KIAA1328: variants seen among roughly 807,000 people sequenced by gnomAD.
KIAA1328 encodes the protein protein hinderin.
KIAA1328 carries 52 observed loss-of-function variants against 68.1 expected under a neutral mutation model. That is an observed-to-expected ratio of 0.76 (90% CI 0.61 to 0.96). The LOEUF (loss-of-function observed/expected upper bound fraction) is 0.96. KIAA1328 is among the 40% of genes least tolerant of loss of function. KIAA1328 has a pLI of 0.00. For synonymous variants in KIAA1328, 232 were observed against 239.4 expected (o/e 0.97, Z 0.28); for missense variants, 641 against 677.6 (o/e 0.95, Z 0.60).
rs552565659 is a variant in KIAA1328 at position 36,836,704 on chromosome 18, A to T, written c.237+1328A>T. 3.9e-5 allele frequency among the ~76,000 whole-genome samples: 6 copies of T among 152,246 alleles called. No individual in the cohort carries two copies. The South Asian group carries it at 1.2e-3, about 32-fold the overall frequency. On this transcript the variant is annotated intron_variant, in intron 3 of 9. Coordinates refer to ENST00000280020, the MANE Select transcript of KIAA1328 (RefSeq NM_020776.3). Reference sequence around the variant, plus strand: ...TGATTTTGTATGTGTTTATATTCACAGAGTTGTGGATCCATCACCACAATC... The same window carrying T: ...TGATTTTGTATGTGTTTATATTCACTGAGTTGTGGATCCATCACCACAATC...
At chr18:36,871,730 CAGAG>C (rs1020294791) in intron 4 of KIAA1328, among the ~76,000 whole-genome samples, 5 of 151,728 alleles carry the variant, frequency 3.3e-5, no homozygotes, top group African/African-American at 1.2e-4. Flanking sequence ...TTGAAACTGA[CAGAG>C]AGCTAAGGTT....
chr18:37,157,145 T>C (rs2059169819), intron 7 of KIAA1328, among the ~76,000 whole-genome samples: 1 of 152,188 alleles, frequency 6.6e-6, no homozygotes, highest in Non-Finnish European at 1.5e-5. Flanking sequence ...CCTTTTGATT[T>C]GTTCTTTAAA....
intron 6 of KIAA1328, among the ~76,000 whole-genome samples, chr18:37,025,828 G>T (rs552729117): frequency 1.3e-5 from 2 of 152,224 alleles, no homozygotes; most frequent in Admixed American, 6.5e-5. Flanking sequence ...AGAAGCAAGA[G>T]CAAACACATT....
chr18:36,920,002 C>G lies in KIAA1328; in HGVS notation c.448+34330C>G, dbSNP rs146960530. 1.2e-4 allele frequency among the ~76,000 whole-genome samples: 19 copies of G among 152,150 alleles called. No individual in the cohort carries two copies. In the East Asian group the frequency reaches 2.5e-3, roughly 20 times the overall value. On this transcript the variant is annotated intron_variant, in intron 5 of 9. Coordinates refer to ENST00000280020, the MANE Select transcript of KIAA1328 (RefSeq NM_020776.3). ...TGTTAGATGCACAGTTTATGAATAT[C>G]TTCACCCGTTCTGTAGGTTATTTAT...
At chr18:37,131,720 A>C (rs893477362) in intron 7 of KIAA1328, among the ~76,000 whole-genome samples, 1 of 152,190 alleles carries the variant, frequency 6.6e-6, no homozygotes, top group Middle Eastern at 3.2e-3. Context: ...AGCAACAAAC[A>C]TTATATGAGG....
intron 7 of KIAA1328, chr18:37,084,464 TTTTTG>T: frequency 3.6e-6 from 1 of 278,920 alleles, no homozygotes; most frequent in Non-Finnish European, 6.5e-6. Flanking sequence ...TACTATTTCT[TTTTTG>T]TTTTTTGTTT....
chr18:36,990,450 G>A (rs1026746058), intron 6 of KIAA1328, among the ~76,000 whole-genome samples: 13 of 152,056 alleles, frequency 8.5e-5, no homozygotes, highest in Non-Finnish European at 1.6e-4. Flanking sequence ...TGAGGCAGGC[G>A]GATCACTTGA....
intron 7 of KIAA1328, among the ~76,000 whole-genome samples, chr18:37,097,036 C>A (rs1295588314): frequency 2.0e-5 from 3 of 152,066 alleles, no homozygotes; most frequent in African/African-American, 7.2e-5. Context: ...CCTGTTCACT[C>A]TGATGGTAGT....
intron 6 of KIAA1328, among the ~76,000 whole-genome samples, chr18:37,048,217 G>A (rs1032002682): frequency 6.6e-6 from 1 of 152,196 alleles, no homozygotes; most frequent in Non-Finnish European, 1.5e-5. Flanking sequence ...TTGTTTGGTA[G>A]TGTCTTCTCA....
At chr18:37,204,154 A>G (rs1334844532) in intron 9 of KIAA1328, among the ~76,000 whole-genome samples, 2 of 152,208 alleles carry the variant, frequency 1.3e-5, no homozygotes, top group Non-Finnish European at 2.9e-5. Context: ...AAGCTCACAG[A>G]CAAGGACGTA....
At chr18:36,833,070 C>T (rs1040351977) in intron 1 of KIAA1328, 2 of 151,894 alleles carry the variant, frequency 1.3e-5, no homozygotes, top group Non-Finnish European at 1.5e-5. Flanking sequence ...TCTCGATTTT[C>T]TGACCTCGTG....
Position 37,224,008 on chromosome 18 carries a change from A to G in KIAA1328, c.*1781A>G. 1 of 985,446 alleles carries G rather than the reference A, an allele frequency of 1.0e-6. No individual in the cohort carries two copies. The highest frequency in any genetic ancestry group is 1.2e-6 in the Non-Finnish European group (1 of 829,924). 61.0% of individuals were successfully genotyped at this position (985,446 alleles called of 1,614,324 possible). A position where few individuals can be genotyped will look rare whatever the true frequency, so the allele number is the denominator to read the frequency against. On this transcript the variant is annotated 3_prime_UTR_variant, in exon 10 of 10. Transcript: ENST00000280020. ...AGAGTAACCAAATCGGTTTCATCCC[A>G]TATCAAAAAGCCTTTGGAGTGTGGA... is the stretch of plus-strand genomic sequence containing the variant.
At chr18:36,848,073 C>T (rs1228905552) in intron 4 of KIAA1328, among the ~76,000 whole-genome samples, 1 of 151,570 alleles carries the variant, frequency 6.6e-6, no homozygotes, top group African/African-American at 2.4e-5. Context: ...TTGCATTTCA[C>T]TGTAAATTTT....
intron 6 of KIAA1328, among the ~76,000 whole-genome samples, chr18:37,052,703 G>A (rs1011828089): frequency 2.6e-5 from 4 of 151,974 alleles, no homozygotes; most frequent in African/African-American, 4.8e-5. Flanking sequence ...CACCAATAAC[G>A]TTCAAGCAGA....
intron 7 of KIAA1328, among the ~76,000 whole-genome samples, chr18:37,080,823 G>A (rs572875830): frequency 1.1e-4 from 17 of 151,560 alleles, no homozygotes; most frequent in African/African-American, 3.6e-4. Context: ...CTGGTTTCTG[G>A]TGCCTTTGTT....
chr18:37,173,293 A>G (rs2059536568), intron 9 of KIAA1328, among the ~76,000 whole-genome samples: 2 of 152,300 alleles, frequency 1.3e-5, no homozygotes, highest in South Asian at 2.1e-4. Flanking sequence ...ATGGTAATGT[A>G]AGGGCTTCCA....
intron 6 of KIAA1328, among the ~76,000 whole-genome samples, chr18:36,985,500 T>C (rs1001878236): frequency 6.6e-6 from 1 of 152,086 alleles, no homozygotes; most frequent in African/African-American, 2.4e-5. Flanking sequence ...GGTGTAAAGA[T>C]AGACAAATCA....
At chr18:37,026,769 A>C (rs1309710072) in intron 6 of KIAA1328, among the ~76,000 whole-genome samples, 1 of 152,228 alleles carries the variant, frequency 6.6e-6, no homozygotes, top group African/African-American at 2.4e-5. Flanking sequence ...CCAATATCAT[A>C]CTGAATGGGT....
At position 37,127,261 on chromosome 18, in the gene KIAA1328, C is replaced by G. The variant is rs541509689; in HGVS notation, c.1233-32939C>G. ...AAGAATATACAAAAATGAATTTTAT[C>G]TCTCTGTCCTGGCAAAGGGCAATTA... On this transcript the variant is annotated intron_variant, in intron 7 of 9. Coordinates refer to ENST00000280020, the MANE Select transcript of KIAA1328 (RefSeq NM_020776.3). 2.0e-5 allele frequency among the ~76,000 whole-genome samples: 3 copies of G among 152,306 alleles called. No homozygotes were observed. The South Asian group carries it at 6.2e-4, about 32-fold the overall frequency.
Sources: allele counts gnomAD v4.1 joint callset (sites outside exome capture counted in the v4.1 genomes callset), GRCh38; gene constraint gnomAD v4.1.1; transcripts MANE v1.5; gene names NCBI Gene and HGNC (gene_info 2026-07-23, HGNC 2026-07-21).